The following CADPS variants were observed in gnomAD, a reference collection of about 807,000 sequenced individuals.
The protein encoded by CADPS is calcium-dependent secretion activator 1.
In CADPS, 57 loss-of-function variants were observed where a neutral mutation model predicts 167.3. The observed-to-expected ratio is 0.34, with a 90% CI of 0.28 to 0.42. The LOEUF (loss-of-function observed/expected upper bound fraction) is 0.42, where lower values mean the gene tolerates loss of function less well. Among genes scored for constraint, CADPS ranks in the 20% least tolerant of loss-of-function variants. CADPS has a pLI of 1.00. For synonymous variants in CADPS, 676 were observed against 635.3 expected (o/e 1.06, Z -0.96); for missense variants, 1,414 against 1,738.1 (o/e 0.81, Z 3.32).
intron 13 of CADPS, among the ~76,000 whole-genome samples, chr3:62,529,909 T>C (rs2073255712): frequency 6.6e-6 from 1 of 152,106 alleles, no homozygotes; most frequent in South Asian, 2.1e-4. Flanking sequence ...CAGTGTTAAT[T>C]TTGGGTGACG....
At position 62,725,446 on chromosome 3, in the gene CADPS, A is replaced by G. The variant is rs982392966; in HGVS notation, c.888+27995T>C. 4.6e-5 allele frequency among the ~76,000 whole-genome samples: 7 copies of G among 152,284 alleles called. No individual in the cohort carries two copies. In the East Asian group the frequency reaches 1.4e-3, roughly 29 times the overall value. The stretch of plus-strand genomic sequence containing the variant: ...CAATTATCCCATAAATGTTCAAAGG[A>G]AAAGTTAGTATAGCAGGGCTAGACC... On this transcript the variant is annotated intron_variant, in intron 3 of 29. Transcript: ENST00000383710.
chr3:62,723,800 A>G (rs2076251803), intron 3 of CADPS, among the ~76,000 whole-genome samples: 1 of 152,222 alleles, frequency 6.6e-6, no homozygotes, highest in Non-Finnish European at 1.5e-5. Flanking sequence ...GCACGCTGAC[A>G]CTTTGCTGGC....
In CADPS at chr3:62,429,114, T is replaced by TTTTATAAACTTTTG. The variant is rs549384253; in HGVS notation, c.3777+8976_3777+8989dup. ...ATCAGACTGCATCACATAAATATTG[T>TTTTATAAACTTTTG]TTTATAAACTTTTGTTTCGTGTGTG... is the stretch of plus-strand genomic sequence containing the variant. On this transcript the variant is annotated intron_variant, in intron 28 of 29. Transcript: ENST00000383710. Among the ~76,000 whole-genome samples, 710 of 152,332 alleles carry TTTTATAAACTTTTG rather than the reference T, an allele frequency of 4.7e-3. 6 individuals carry two copies. Among genetic ancestry groups the TTTTATAAACTTTTG allele is most frequent in the African/African-American group, 0.015 (644 of 41,578 alleles).
intron 26 of CADPS, among the ~76,000 whole-genome samples, chr3:62,451,163 C>G (rs773895901): frequency 5.3e-5 from 8 of 152,044 alleles, no homozygotes; most frequent in Non-Finnish European, 1.0e-4. Flanking sequence ...CTAATTACCT[C>G]GACCCTCCAC....
Position 62,662,318 on chromosome 3 carries a change from G to C in CADPS, c.965C>G (p.Ala322Gly). The C allele has an allele frequency of 6.2e-7, 1 of 1,613,396 alleles. No homozygotes were observed. Among genetic ancestry groups the C allele is most frequent in the East Asian group, 2.2e-5 (1 of 44,836 alleles). ...DGRLQMADQI[A>G]RERKFPKFVS... ...ACAACCACAATGTTTCCTTACCCTG[G>C]CTATTTGGTCTGCCATTTGTAGACG... is the stretch of plus-strand genomic sequence containing the variant. Residue 322 changes from alanine (A) to glycine (G), a missense_variant, in exon 4 of 30, where the codon GCC (alanine) becomes GGC (glycine). Physicochemically the swap from Ala to Gly is moderately conservative, Grantham distance 60. This residue lies in a region of CADPS where 522 missense variants were observed against 559.5 expected (regional missense o/e 0.93). Coordinates refer to ENST00000383710, the MANE Select transcript of CADPS (RefSeq NM_003716.4).
At chr3:62,415,206 ATGAATAAATC>A (rs1168740497) in intron 28 of CADPS, among the ~76,000 whole-genome samples, 3 of 152,050 alleles carry the variant, frequency 2.0e-5, no homozygotes, top group African/African-American at 7.2e-5. Flanking sequence ...AAAAATTGAT[ATGAATAAATC>A]TGCAAGTAGC....
rs945940616 is a variant in CADPS, at chr3:62,547,594, C to CT, written c.1966+2308_1966+2309insA. 3.1e-3 allele frequency among the ~76,000 whole-genome samples: 341 copies of CT among 110,564 alleles called. 18 individuals carry two copies. Among genetic ancestry groups the CT allele is most frequent in the African/African-American group, 0.012 (329 of 26,354 alleles). 72.5% of individuals were successfully genotyped at this position (110,564 alleles called of 152,430 possible). ...GGGATGATATCATTTACGCCCCCCC[C>CT]CCCCCGCAAATTCTAACTCTTAGGA... On this transcript the variant is annotated intron_variant, in intron 11 of 29. Transcript: ENST00000383710.
At position 62,731,805 on chromosome 3, in the gene CADPS, C is replaced by CAAAAAAAAA. The variant is rs1212456893; in HGVS notation, c.888+21627_888+21635dup. Among the ~76,000 whole-genome samples the CAAAAAAAAA allele has an allele frequency of 3.4e-3, 91 of 27,100 alleles. 1 individual carries two copies. Among genetic ancestry groups the CAAAAAAAAA allele is most frequent in the East Asian group, 4.6e-3 (4 of 868 alleles). 17.8% of individuals were successfully genotyped at this position (27,100 alleles called of 152,430 possible). On this transcript the variant is annotated intron_variant, in intron 3 of 29. Coordinates refer to ENST00000383710, the MANE Select transcript of CADPS (RefSeq NM_003716.4). ...CCTGGTGAAAGAAACTGATCATATGCAAAAAAAAAAAAAAAAAAAAAAAAA... is the reference window on the plus strand; with the variant it reads ...CCTGGTGAAAGAAACTGATCATATGCAAAAAAAAAAAAAAAAAAAAAAAAAAAAAAAAAA...
chr3:62,550,944 C>T, intron 10 of CADPS: 1 of 456,738 alleles, frequency 2.2e-6, no homozygotes, highest in South Asian at 1.5e-5. Flanking sequence ...GGCTGCTGCT[C>T]CTTAGTCTTG....
intron 16 of CADPS, 86 bp from the exon 17 acceptor site, chr3:62,512,854 G>GC (rs2068131774): frequency 2.6e-6 from 3 of 1,140,644 alleles, no homozygotes; most frequent in Non-Finnish European, 1.3e-6. Context: ...GGACCAAAAT[G>GC]CCCCCCACTT....
At chr3:62,852,729 A>T (rs73844647) in intron 1 of CADPS, among the ~76,000 whole-genome samples, 1 of 152,312 alleles carries the variant, frequency 6.6e-6, no homozygotes, top group Non-Finnish European at 1.5e-5. Context: ...CAGGAACATT[A>T]TCAGGCCTCA....
chr3:62,465,270 A>C lies in CADPS; in HGVS notation c.3636+97T>G. On this transcript the variant is annotated intron_variant, in intron 26 of 29. Coordinates refer to ENST00000383710, the MANE Select transcript of CADPS (RefSeq NM_003716.4). The surrounding 1 kb of genome is among the most constrained non-coding windows in gnomAD (Gnocchi z 4.1). ...ATAGTTGACTATAATTAACACACAC[A>C]CCCATCCCAAAACAAAATGACACAA... The C allele has an allele frequency of 1.3e-6, 1 of 780,902 alleles. No individual in the cohort carries two copies. The highest frequency in any genetic ancestry group is 2.1e-6 in the Non-Finnish European group (1 of 466,108). 48.4% of individuals were successfully genotyped at this position (780,902 alleles called of 1,614,324 possible). A position where few individuals can be genotyped will look rare whatever the true frequency, so the allele number is the denominator to read the frequency against.
intron 6 of CADPS, among the ~76,000 whole-genome samples, chr3:62,616,688 G>A (rs940583042): frequency 3.9e-5 from 6 of 152,074 alleles, no homozygotes; most frequent in Admixed American, 6.6e-5. Flanking sequence ...ATAATGCTCA[G>A]CACTGTACAT....
chr3:62,855,698 T>G (rs2079539541), intron 1 of CADPS, among the ~76,000 whole-genome samples: 2 of 152,190 alleles, frequency 1.3e-5, no homozygotes, highest in Non-Finnish European at 2.9e-5. Flanking sequence ...TTATAATTAT[T>G]TGCCGATTTT....
intron 29 of CADPS, among the ~76,000 whole-genome samples, chr3:62,402,544 G>A (rs1706755471): frequency 6.6e-6 from 1 of 152,164 alleles, no homozygotes; most frequent in African/African-American, 2.4e-5. Flanking sequence ...GCTACTTTCA[G>A]GGTATGTTAT....
intron 3 of CADPS, among the ~76,000 whole-genome samples, chr3:62,749,034 A>C (rs1251125377): frequency 5.9e-5 from 9 of 152,210 alleles, no homozygotes; most frequent in African/African-American, 2.2e-4. Flanking sequence ...AAATAGCTAC[A>C]TAATTGACTG....
intron 3 of CADPS, among the ~76,000 whole-genome samples, chr3:62,751,002 T>G (rs2082569459): frequency 6.6e-6 from 1 of 152,172 alleles, no homozygotes; most frequent in South Asian, 2.1e-4. Flanking sequence ...GCGTATCTAC[T>G]TGTAATGAAT....
At chr3:62,532,756 T>A in intron 13 of CADPS, 115 bp downstream of exon 13, 6 of 739,470 alleles carry the variant, frequency 8.1e-6, no homozygotes, top group South Asian at 1.7e-5. Context: ...TGTGTACGTG[T>A]GCACATACCA....
intron 14 of CADPS, among the ~76,000 whole-genome samples, chr3:62,517,202 T>C (rs2069208390): frequency 6.6e-6 from 1 of 152,112 alleles, no homozygotes; most frequent in African/African-American, 2.4e-5. Flanking sequence ...AGGATTTTGA[T>C]GGCACAGAAA....
Sources: gnomAD v4.1 joint callset for allele counts (sites outside exome capture counted in the v4.1 genomes callset) on GRCh38, gnomAD v4.1.1 for gene constraint, gnomAD v4.1.1 regional missense constraint, Gnocchi (gnomAD v3.1) non-coding constraint, MANE v1.5 for transcripts, NCBI Gene and HGNC (gene_info 2026-07-23, HGNC 2026-07-21) for gene names.